The following RAPGEF5 variants were observed in gnomAD, a reference collection of about 807,000 sequenced individuals.
RAPGEF5 encodes Rap guanine nucleotide exchange factor 5, also known as M-Ras-regulated GEF.
RAPGEF5 carries 65 observed loss-of-function variants against 125.2 expected under a neutral mutation model. That is an observed-to-expected ratio of 0.52 (90% CI 0.43 to 0.64). The LOEUF (loss-of-function observed/expected upper bound fraction) is 0.64, where lower values mean the gene tolerates loss of function less well. Ranked by LOEUF, RAPGEF5 falls within the 30% of genes least tolerant of loss-of-function variation. RAPGEF5 has a pLI of 0.00. For synonymous variants in RAPGEF5, 391 were observed against 385.9 expected, an observed-to-expected ratio of 1.01 and a Z score of -0.16; for missense variants, 958 against 1,048.1, an observed-to-expected ratio of 0.91 and a Z score of 1.19.
intron 6 of RAPGEF5, among the ~76,000 whole-genome samples, chr7:22,290,787 G>T (rs932822154): frequency 6.6e-6 from 1 of 151,058 alleles, no homozygotes. Flanking sequence ...GTTGCAATAT[G>T]GTACATTAAA....
At chr7:22,153,926 T>C (rs1304978017) in intron 17 of RAPGEF5, among the ~76,000 whole-genome samples, 1 of 152,170 alleles carries the variant, frequency 6.6e-6, no homozygotes, top group African/African-American at 2.4e-5. Flanking sequence ...TAAACCATTC[T>C]CTGAGGATAC....
rs756512639 is a variant in RAPGEF5 at position 22,146,902 on chromosome 7, G to A, written c.2002C>T (p.His668Tyr). The change falls in exon 19 of 26, where the codon CAC becomes TAC. Residue 668 changes from histidine (H) to tyrosine (Y), a missense_variant. By Grantham distance (83) the His-to-Tyr change is moderately conservative (BLOSUM62 2). Coordinates refer to ENST00000665637, the MANE Select transcript of RAPGEF5 (RefSeq NM_012294.5). ...TCTTGTCACTCCTCATTTACCTCGTGAATTGAATTGAATAGACTCCAATCA... is the reference window on the plus strand; with the variant it reads ...TCTTGTCACTCCTCATTTACCTCGTAAATTGAATTGAATAGACTCCAATCA... ...NFDWSLFNSI[H>Y]EQELIYFTFS... 1.9e-6 allele frequency: 3 copies of A among 1,609,364 alleles called. No homozygotes were observed. The highest frequency in any genetic ancestry group is 1.1e-5 in the South Asian group (1 of 89,676).
chr7:22,194,751 G>A (rs1785106716), intron 9 of RAPGEF5: 1 of 985,388 alleles, frequency 1.0e-6, no homozygotes, highest in African/African-American at 1.7e-5. Flanking sequence ...AAAAAGGAGA[G>A]ATGGCTGAAC....
intron 7 of RAPGEF5, among the ~76,000 whole-genome samples, chr7:22,247,252 C>T (rs907869103): frequency 2.6e-5 from 4 of 152,194 alleles, no homozygotes; most frequent in Non-Finnish European, 5.9e-5. Context: ...GAAAATAAAT[C>T]GTTCTGCCAA....
At chr7:22,129,225 C>G (rs971947412) in intron 24 of RAPGEF5, among the ~76,000 whole-genome samples, 1 of 152,124 alleles carries the variant, frequency 6.6e-6, no homozygotes, top group African/African-American at 2.4e-5. Flanking sequence ...ATGAACTTAA[C>G]AAATTCACTG....
At chr7:22,291,854 AGTTT>A (rs372458584) in intron 5 of RAPGEF5, among the ~76,000 whole-genome samples, 119 of 152,336 alleles carry the variant, frequency 7.8e-4, no homozygotes, top group African/African-American at 2.2e-3. Flanking sequence ...ATGTAAGATC[AGTTT>A]GTTTGTTTGT....
At chr7:22,297,926 A>G (rs796100972) in intron 5 of RAPGEF5, among the ~76,000 whole-genome samples, 16 of 152,174 alleles carry the variant, frequency 1.1e-4, no homozygotes, top group African/African-American at 3.9e-4. Flanking sequence ...AAGTTCTCTT[A>G]TATTTCTATT....
intron 16 of RAPGEF5, among the ~76,000 whole-genome samples, chr7:22,154,820 T>C (rs1783754327): frequency 6.6e-6 from 1 of 152,216 alleles, no homozygotes. Context: ...GAAACTCAGA[T>C]GTTGTAAAGC....
At chr7:22,163,058 C>T (rs1163093346) in intron 12 of RAPGEF5, 7 of 449,734 alleles carry the variant, frequency 1.6e-5, no homozygotes, top group Admixed American at 2.4e-5. Flanking sequence ...CTCCTAGGAA[C>T]TTACTTGAAA....
intron 7 of RAPGEF5, among the ~76,000 whole-genome samples, chr7:22,265,891 G>A (rs1248396212): frequency 6.6e-6 from 1 of 152,012 alleles, no homozygotes; most frequent in African/African-American, 2.4e-5. Context: ...TGTTCACTGG[G>A]GAGCCTTATT....
chr7:22,197,579 C>T (rs1785175496), intron 9 of RAPGEF5, among the ~76,000 whole-genome samples: 2 of 152,168 alleles, frequency 1.3e-5, no homozygotes, highest in Non-Finnish European at 2.9e-5. Flanking sequence ...CTCCAGGAAG[C>T]CCCCTGGTCT....
intron 9 of RAPGEF5, among the ~76,000 whole-genome samples, chr7:22,209,522 C>T (rs1477515422): frequency 2.0e-5 from 3 of 152,186 alleles, no homozygotes; most frequent in African/African-American, 7.2e-5. Context: ...CCTTCCCCCC[C>T]ACCATTTTTA....
intron 6 of RAPGEF5, among the ~76,000 whole-genome samples, chr7:22,274,337 T>C (rs1259717822): frequency 6.6e-6 from 1 of 152,104 alleles, no homozygotes; most frequent in African/African-American, 2.4e-5. Flanking sequence ...GAATTCACTT[T>C]TTCTTTTTTT....
intron 1 of RAPGEF5, among the ~76,000 whole-genome samples, chr7:22,347,483 T>C (rs969591455): frequency 5.3e-5 from 8 of 152,108 alleles, no homozygotes; most frequent in Non-Finnish European, 1.5e-5. Flanking sequence ...AATAGCTTTA[T>C]AGGGAGCAAA....
intron 15 of RAPGEF5, among the ~76,000 whole-genome samples, chr7:22,157,174 T>TA (rs1783837432): frequency 6.6e-6 from 1 of 152,204 alleles, no homozygotes; most frequent in African/African-American, 2.4e-5. Flanking sequence ...CAAACATCCA[T>TA]AGAGTCTCCT....
At position 22,193,921 on chromosome 7, in the gene RAPGEF5, T is replaced by A. The variant is rs1187813791; in HGVS notation, c.1109A>T (p.His370Leu). 2.5e-6 allele frequency: 4 copies of A among 1,613,714 alleles called. No individual in the cohort carries two copies. Among genetic ancestry groups the A allele is most frequent in the Admixed American group, 1.7e-5 (1 of 59,982 alleles). ...GCTGCAGGGAAACTCTCACCTCCAA[T>A]GGCTCTCCGCACTCCCAGCTGTGGG... ...PAPTAGSAES[H>L]WRYVVVSGTP... Residue 370 changes from histidine (H) to leucine (L), a missense_variant, in exon 10 of 26, where the codon CAT becomes CTT. His to Leu is a moderately conservative substitution (Grantham distance 99). Coordinates refer to ENST00000665637, the MANE Select transcript of RAPGEF5 (RefSeq NM_012294.5).
intron 7 of RAPGEF5, among the ~76,000 whole-genome samples, chr7:22,258,624 C>CAAAAAAAAAA (rs34352575): frequency 8.7e-5 from 4 of 45,824 alleles, no homozygotes; most frequent in East Asian, 5.9e-4. Context: ...AACTCCGTCT[C>CAAAAAAAAAA]AAAAAAAAAA....
At chr7:22,144,886 T>C (rs1188268367) in intron 20 of RAPGEF5, among the ~76,000 whole-genome samples, 158 bp downstream of exon 20, 1 of 152,210 alleles carries the variant, frequency 6.6e-6, no homozygotes, top group Non-Finnish European at 1.5e-5. Context: ...TGCAAAGACA[T>C]AAATATTCAA....
intron 23 of RAPGEF5, 53 bp downstream of exon 23, chr7:22,135,984 TA>T (rs1783066977): frequency 1.4e-6 from 2 of 1,422,238 alleles, no homozygotes; most frequent in Non-Finnish European, 1.9e-6. Flanking sequence ...ATAGTTACAG[TA>T]ATAAATTTCT....
Sources: allele counts gnomAD v4.1 joint callset (sites outside exome capture counted in the v4.1 genomes callset), GRCh38; gene constraint gnomAD v4.1.1; transcripts MANE v1.5; gene names NCBI Gene and HGNC (gene_info 2026-07-23, HGNC 2026-07-21).